PIP5K1A: variants seen among roughly 807,000 people sequenced by gnomAD.
The protein encoded by PIP5K1A is phosphatidylinositol 4-phosphate 5-kinase type-1 alpha.
In PIP5K1A, 46 loss-of-function variants were observed where a neutral mutation model predicts 72.9. That is an observed-to-expected ratio of 0.63 (90% CI 0.50 to 0.81). PIP5K1A has a LOEUF of 0.81. Among genes scored for constraint, PIP5K1A ranks in the 30% least tolerant of loss-of-function variants. PIP5K1A has a pLI of 0.00. For synonymous variants in PIP5K1A, 228 were observed against 255.1 expected, an observed-to-expected ratio of 0.89 and a Z score of 1.01; for missense variants, 458 against 706.1, an observed-to-expected ratio of 0.65 and a Z score of 3.98.
At chr1:151,232,488 A>C (rs1001036306) in intron 6 of PIP5K1A, 63 bp from the exon 7 acceptor site, 1 of 1,550,850 alleles carries the variant, frequency 6.4e-7, no homozygotes. Flanking sequence ...TCTGTAGTTG[A>C]TTTTTGTGTT....
intron 14 of PIP5K1A, among the ~76,000 whole-genome samples, chr1:151,244,693 G>A (rs1009858686): frequency 6.6e-6 from 1 of 152,112 alleles, no homozygotes; most frequent in Non-Finnish European, 1.5e-5. Flanking sequence ...TATGGAGGAT[G>A]TGTGTGAGTT....
rs150758573 is a variant in PIP5K1A, at chr1:151,242,509, A to G, written c.1582A>G (p.Ile528Val). The G allele has an allele frequency of 7.7e-4, 1,238 of 1,613,868 alleles. 12 individuals are homozygous for G. The highest frequency in any genetic ancestry group is 2.5e-4 in the Non-Finnish European group (291 of 1,179,760). ...PLEEISEGSP[I>V]PDPSFSPLVG... ...GGAGGAAATCAGTGAGGGCTCGCCT[A>G]TTCCTGACCCCAGTTTCTCACCTCT... The change falls in exon 14 of 16, where the codon ATT (isoleucine) becomes GTT (valine). Residue 528 changes from isoleucine to valine, a missense_variant. By Grantham distance (29) the Ile-to-Val change is conservative. This residue lies in a region of PIP5K1A where 157 missense variants were observed against 175.5 expected (regional missense o/e 0.89). Coordinates refer to ENST00000368888, the MANE Select transcript of PIP5K1A (RefSeq NM_001135638.2).
rs756039919 is a variant in PIP5K1A at position 151,242,147 on chromosome 1, T to A, written c.1388T>A (p.Phe463Tyr). ...IPLKPSPSKK[F>Y]RSGSSFSRRA... ...GTGAAGCCTTCTCCTTCCAAAAAGT[T>A]TCGGTCTGGCTCATCTTTCTCTCGG... Residue 463 changes from phenylalanine to tyrosine, a missense_variant, in exon 13 of 16, where the codon TTT becomes TAT. By Grantham distance (22) the Phe-to-Tyr change is conservative (BLOSUM62 3). Coordinates refer to ENST00000368888, the MANE Select transcript of PIP5K1A (RefSeq NM_001135638.2). 1 of 1,614,186 alleles carries A rather than the reference T, an allele frequency of 6.2e-7. No individual in the cohort carries two copies. Among genetic ancestry groups the A allele is most frequent in the Non-Finnish European group, 8.5e-7 (1 of 1,180,038 alleles).
intron 10 of PIP5K1A, 106 bp downstream of exon 10, chr1:151,238,371 G>C (rs1691181661): frequency 2.6e-6 from 2 of 765,654 alleles, no homozygotes; most frequent in Non-Finnish European, 4.7e-6. Flanking sequence ...AGCAAGAACA[G>C]TGAGTTGCAG....
rs779951707 is a variant in PIP5K1A, at chr1:151,220,593, A to G, written c.86-3652A>G. On this transcript the variant is annotated intron_variant, in intron 1 of 15. Coordinates refer to ENST00000368888, the MANE Select transcript of PIP5K1A (RefSeq NM_001135638.2). ...ACCGATTCTCCTGCCTCAGCCTCCA[A>G]GTATTTGGGATTACAGGCGCCCACC... 1.1e-4 allele frequency among the ~76,000 whole-genome samples: 16 copies of G among 152,120 alleles called. 2 individuals are homozygous for G. Among genetic ancestry groups the G allele is most frequent in the African/African-American group, 3.9e-4 (16 of 41,494 alleles).
chr1:151,225,547 A>G (rs942114929), intron 3 of PIP5K1A, among the ~76,000 whole-genome samples: 1 of 146,832 alleles, frequency 6.8e-6, no homozygotes, highest in Non-Finnish European at 1.5e-5. Context: ...TTGGCTCACT[A>G]TGTCCTCTGC....
chr1:151,240,230 C>G (rs1355706502), intron 12 of PIP5K1A, 191 bp downstream of exon 12: 2 of 568,296 alleles, frequency 3.5e-6, no homozygotes, highest in Non-Finnish European at 6.2e-6. Context: ...TGCTGTTTCC[C>G]CCTTGGCTCT....
chr1:151,238,919 T>C lies in PIP5K1A; in HGVS notation c.1230-211T>C, dbSNP rs925134270. On this transcript the variant is annotated intron_variant, in intron 10 of 15. Transcript: ENST00000368888. ...AATTGCCCTTTTCCCATGGGGGGAA[T>C]AATTGACTTACCTAGAAACAACATT... Among the ~76,000 whole-genome samples the C allele has an allele frequency of 9.2e-5, 14 of 152,340 alleles. No homozygotes were observed. In the East Asian group the frequency reaches 9.6e-4, roughly 10 times the overall value.
In PIP5K1A at chr1:151,209,807, C is replaced by T. The variant is rs115656703; in HGVS notation, c.85+10726C>T. On this transcript the variant is annotated intron_variant, in intron 1 of 15. Transcript: ENST00000368888. ...GGTCTTGAACTCCTAATCCTAACCT[C>T]GTGATCTGCCCACCTCAGCCTTCCA... Among the ~76,000 whole-genome samples the T allele has an allele frequency of 4.4e-3, 675 of 151,902 alleles. 6 individuals are homozygous for T. The highest frequency in any genetic ancestry group is 0.015 in the African/African-American group (624 of 41,440).
chr1:151,241,329 G>T (rs182751475), intron 12 of PIP5K1A, among the ~76,000 whole-genome samples: 1 of 151,896 alleles, frequency 6.6e-6, no homozygotes, highest in African/African-American at 2.4e-5. Flanking sequence ...GTGAAACCCC[G>T]TCTCTACTAA....
rs765446519 is a variant in PIP5K1A at position 151,240,003 on chromosome 1, C to T, written c.1327C>T (p.Arg443Cys). Reference protein sequence around the residue: ...RPGFYAERFQRFMCNTVFKKI... With the variant: ...RPGFYAERFQCFMCNTVFKKI... ...AGGCTTCTACGCTGAACGGTTCCAG[C>T]GCTTCATGTGCAACACAGTATTTAA... Residue 443 changes from arginine (R) to cysteine (C), a missense_variant, in exon 12 of 16, where the codon CGC (arginine) becomes TGC (cysteine). This residue lies in a region of PIP5K1A where 157 missense variants were observed against 175.5 expected (regional missense o/e 0.89). Transcript: ENST00000368888. The T allele has an allele frequency of 4.5e-5, 72 of 1,612,498 alleles. No homozygotes were observed. The highest frequency in any genetic ancestry group is 5.6e-5 in the Non-Finnish European group (66 of 1,179,094).
chr1:151,242,611 T>C, intron 14 of PIP5K1A, 44 bp downstream of exon 14: 1 of 1,552,826 alleles, frequency 6.4e-7, no homozygotes. Context: ...TATCTCTCTT[T>C]TCAAGTCCTT....
chr1:151,215,804 A>C (rs887697312), intron 1 of PIP5K1A, among the ~76,000 whole-genome samples: 4 of 152,146 alleles, frequency 2.6e-5, no homozygotes, highest in Admixed American at 6.6e-5. Flanking sequence ...CTAGAATTAC[A>C]AAAAAATCAT....
chr1:151,228,656 C>T lies in PIP5K1A; in HGVS notation c.237+1256C>T, dbSNP rs587625793. On this transcript the variant is annotated intron_variant, in intron 4 of 15. Coordinates refer to ENST00000368888, the MANE Select transcript of PIP5K1A (RefSeq NM_001135638.2). ...TGGACTGGTTTTCAGATGGTTTAGG[C>T]TTCCTGAGGGACAGTGTTCAGTCTC... 3.9e-5 allele frequency among the ~76,000 whole-genome samples: 6 copies of T among 152,232 alleles called. No individual in the cohort carries two copies. The South Asian group carries it at 1.2e-3, about 32-fold the overall frequency.
chr1:151,196,496 A>G (rs1347368190), upstream of PIP5K1A, among the ~76,000 whole-genome samples: 1 of 151,388 alleles, frequency 6.6e-6, no homozygotes, highest in Non-Finnish European at 1.5e-5. Context: ...CAGGGAAACA[A>G]TTATCTTAGA....
chr1:151,247,103 T>C, intron 15 of PIP5K1A, 138 bp downstream of exon 15: 2 of 416,324 alleles, frequency 4.8e-6, no homozygotes, highest in East Asian at 3.8e-5. Context: ...TTTTTATTAT[T>C]TTTTTATTTT....
chr1:151,199,018 C>A lies in PIP5K1A; in HGVS notation c.22C>A (p.Pro8Thr). ...TAAGATGGCGTCGGCCTCCTCCGGGCCGTCGTCTTCGGTCGGTTTTTCATC... is the reference window on the plus strand; with the variant it reads ...TAAGATGGCGTCGGCCTCCTCCGGGACGTCGTCTTCGGTCGGTTTTTCATC... MASASSG[P>T]SSSVGFSSFD... Residue 8 changes from proline to threonine, a missense_variant, in exon 1 of 16, where the codon CCG (proline) becomes ACG (threonine). Pro to Thr is a conservative substitution (Grantham distance 38). Around this residue, in one of 3 missense-constraint regions of PIP5K1A, gnomAD observed 81 missense variants for 88.0 expected, o/e 0.92. Transcript: ENST00000368888. 1.9e-6 allele frequency: 3 copies of A among 1,614,138 alleles called. No individual in the cohort carries two copies. Among genetic ancestry groups the A allele is most frequent in the Non-Finnish European group, 2.5e-6 (3 of 1,180,012 alleles).
chr1:151,223,109 G>A (rs111771023), intron 1 of PIP5K1A, among the ~76,000 whole-genome samples: 2 of 152,160 alleles, frequency 1.3e-5, no homozygotes, highest in Admixed American at 6.6e-5. Context: ...CCAGCACTTT[G>A]GGAGGCCGCG....
intron 4 of PIP5K1A, among the ~76,000 whole-genome samples, chr1:151,228,746 G>A (rs1689533997): frequency 6.6e-6 from 1 of 152,040 alleles, no homozygotes; most frequent in Non-Finnish European, 1.5e-5. Flanking sequence ...TAGGTTTCTG[G>A]CCTATGTAAA....
Sources: gnomAD v4.1 joint callset for allele counts (sites outside exome capture counted in the v4.1 genomes callset) on GRCh38, gnomAD v4.1.1 for gene constraint, gnomAD v4.1.1 regional missense constraint, MANE v1.5 for transcripts, NCBI Gene and HGNC (gene_info 2026-07-23, HGNC 2026-07-21) for gene names.